Variants in CNTN6 observed in about 807,000 individuals in gnomAD.
CNTN6 encodes the protein contactin-6.
In CNTN6, 137 loss-of-function variants were observed where a neutral mutation model predicts 122.8. The ratio of observed to expected loss-of-function variants is 1.12; its 90% CI spans 0.97 to 1.29. The LOEUF (loss-of-function observed/expected upper bound fraction) is 1.29, where lower values mean the gene tolerates loss of function less well. CNTN6 is among the 50% of genes most tolerant of loss of function. The pLI, the probability that CNTN6 is intolerant of heterozygous loss-of-function variation, is 0.00. For missense variants in CNTN6, 1,634 were observed against 1,223.4 expected (o/e 1.34, Z -5.01); for synonymous variants, 570 against 426.0 (o/e 1.34, Z -4.16).
intron 7 of CNTN6, among the ~76,000 whole-genome samples, chr3:1,300,492 GAAAAAGAA>G (rs1559754159): frequency 7.0e-5 from 7 of 99,370 alleles, no homozygotes; most frequent in South Asian, 2.7e-4. Context: ...AGGAAGGAAG[GAAAAAGAA>G]AAGAAAGAGA....
intron 4 of CNTN6, among the ~76,000 whole-genome samples, chr3:1,272,759 T>A (rs2095047374): frequency 6.6e-6 from 1 of 152,200 alleles, no homozygotes; most frequent in African/African-American, 2.4e-5. Flanking sequence ...CACTGTCAAG[T>A]GCATCGTCTG....
At position 1,334,872 on chromosome 3, in the gene CNTN6, C is replaced by T. The variant is rs189956506; in HGVS notation, c.1364+4937C>T. Among the ~76,000 whole-genome samples the T allele has an allele frequency of 7.9e-5, 12 of 152,070 alleles. No homozygotes were observed. In the East Asian group the frequency reaches 2.3e-3, roughly 29 times the overall value. ...TAATTTTAGAGATTTTGCAGCTAAG[C>T]CAAAAATTTTAATAATTAATAGACC... On this transcript the variant is annotated intron_variant, in intron 11 of 22. Coordinates refer to ENST00000446702, the MANE Select transcript of CNTN6 (RefSeq NM_001289080.2).
intron 2 of CNTN6, among the ~76,000 whole-genome samples, chr3:1,210,936 G>T (rs2094027843): frequency 6.6e-6 from 1 of 152,164 alleles, no homozygotes; most frequent in African/African-American, 2.4e-5. Flanking sequence ...TACTTTCTCA[G>T]CGACCCTCAC....
chr3:1,113,185 C>T (rs887498196), intron 1 of CNTN6, among the ~76,000 whole-genome samples: 1 of 152,118 alleles, frequency 6.6e-6, no homozygotes, highest in Non-Finnish European at 1.5e-5. Flanking sequence ...AATATATTGC[C>T]TGTAACTTCT....
chr3:1,169,011 G>C (rs1292354438), intron 2 of CNTN6, among the ~76,000 whole-genome samples: 2 of 152,160 alleles, frequency 1.3e-5, no homozygotes, highest in East Asian at 3.9e-4. Context: ...GAAAGCCAAA[G>C]TCACTCATCC....
At chr3:1,325,321 A>T (rs1701379159) in intron 8 of CNTN6, among the ~76,000 whole-genome samples, 1 of 151,864 alleles carries the variant, frequency 6.6e-6, no homozygotes. Context: ...TTATCTTTCT[A>T]CCAAAATGCC....
chr3:1,121,793 G>C (rs955839190), intron 1 of CNTN6, among the ~76,000 whole-genome samples: 26 of 151,884 alleles, frequency 1.7e-4, no homozygotes, highest in African/African-American at 6.3e-4. Context: ...TACTATTGTT[G>C]AGTTTAGGTA....
intron 12 of CNTN6, among the ~76,000 whole-genome samples, chr3:1,355,135 C>T (rs972568588): frequency 1.3e-5 from 2 of 151,634 alleles, no homozygotes; most frequent in East Asian, 3.9e-4. Flanking sequence ...CTTCATGACA[C>T]ATCCACATCC....
intron 4 of CNTN6, among the ~76,000 whole-genome samples, chr3:1,257,744 G>A (rs1182791266): frequency 1.3e-5 from 2 of 152,164 alleles, no homozygotes; most frequent in East Asian, 1.9e-4. Flanking sequence ...GCTGGTGAGA[G>A]CGAGCTATTC....
At chr3:1,305,768 T>G (rs967263593) in intron 7 of CNTN6, among the ~76,000 whole-genome samples, 4 of 152,182 alleles carry the variant, frequency 2.6e-5, no homozygotes, top group Non-Finnish European at 4.4e-5. Context: ...TCTGAAGCCT[T>G]CACACAGAGG....
chr3:1,236,491 A>G (rs2094423757), intron 4 of CNTN6, among the ~76,000 whole-genome samples: 1 of 152,044 alleles, frequency 6.6e-6, no homozygotes, highest in South Asian at 2.1e-4. Context: ...AGCAATCACT[A>G]CAGTTCAGTT....
chr3:1,144,494 G>C (rs189005616), intron 1 of CNTN6, among the ~76,000 whole-genome samples: 7 of 152,032 alleles, frequency 4.6e-5, no homozygotes, highest in African/African-American at 1.4e-4. Flanking sequence ...AGAATCACTT[G>C]ATCCCAAAAG....
At chr3:1,198,904 A>G (rs1383185242) in intron 2 of CNTN6, among the ~76,000 whole-genome samples, 2 of 152,158 alleles carry the variant, frequency 1.3e-5, no homozygotes, top group East Asian at 1.9e-4. Flanking sequence ...CTGGATTTTG[A>G]CTGGGCCTTA....
intron 11 of CNTN6, among the ~76,000 whole-genome samples, chr3:1,331,880 A>G (rs1702341470): frequency 6.6e-6 from 1 of 151,636 alleles, no homozygotes; most frequent in South Asian, 2.1e-4. Context: ...AGCAGGAGGG[A>G]AACTGCTTTT....
intron 1 of CNTN6, among the ~76,000 whole-genome samples, chr3:1,103,023 G>A (rs1274665180): frequency 1.3e-5 from 2 of 151,224 alleles, no homozygotes; most frequent in Admixed American, 6.6e-5. Context: ...GGAGAATGGC[G>A]GGAACCCGGG....
intron 2 of CNTN6, among the ~76,000 whole-genome samples, chr3:1,149,795 G>A (rs181158825): frequency 5.9e-5 from 9 of 152,194 alleles, no homozygotes; most frequent in Non-Finnish European, 4.4e-5. Context: ...TCATCTTCCT[G>A]TCAAAATTCA....
chr3:1,136,351 A>G (rs2092472154), intron 1 of CNTN6, among the ~76,000 whole-genome samples: 2 of 152,036 alleles, frequency 1.3e-5, no homozygotes, highest in Non-Finnish European at 2.9e-5. Context: ...CCTTGATTAG[A>G]CTTTCCCAAA....
At chr3:1,325,471 A>G (rs564678922) in intron 8 of CNTN6, among the ~76,000 whole-genome samples, 37 of 151,980 alleles carry the variant, frequency 2.4e-4, no homozygotes, top group Admixed American at 2.2e-3. Context: ...GATTTGATAT[A>G]CATTTTCTAA....
chr3:1,289,910 G>A (rs1266246036), intron 5 of CNTN6, among the ~76,000 whole-genome samples: 3 of 152,092 alleles, frequency 2.0e-5, no homozygotes, highest in East Asian at 1.9e-4. Flanking sequence ...TCCTGACCTC[G>A]TGATCCGCCC....
Sources: allele counts gnomAD v4.1 joint callset (sites outside exome capture counted in the v4.1 genomes callset), GRCh38; gene constraint gnomAD v4.1.1; transcripts MANE v1.5; gene names NCBI Gene and HGNC (gene_info 2026-07-23, HGNC 2026-07-21).